Variants in AFF2 observed in about 807,000 individuals in gnomAD.
AFF2 encodes ALF transcription elongation factor 2.
Under a neutral mutation model 76.9 loss-of-function variants are expected in AFF2, and 14 were observed. The ratio of observed to expected loss-of-function variants is 0.18; its 90% CI spans 0.12 to 0.28. The LOEUF (loss-of-function observed/expected upper bound fraction) is 0.28, where lower values mean the gene tolerates loss of function less well. Among genes scored for constraint, AFF2 ranks in the 10% least tolerant of loss-of-function variants. The pLI is 1.00. For synonymous variants in AFF2, 398 were observed against 366.7 expected (o/e 1.09, Z -0.98); for missense variants, 868 against 1,001.1 (o/e 0.87, Z 1.79).
chrX:148,602,462 G>A (rs996837514), intron 1 of AFF2, among the ~76,000 whole-genome samples: 1 of 110,244 alleles, frequency 9.1e-6, no homozygotes, highest in South Asian at 4.0e-4. Flanking sequence ...TGGGATTGGA[G>A]GGGGTGATAG....
intron 3 of AFF2, among the ~76,000 whole-genome samples, chrX:148,750,385 T>C (rs1336771863): frequency 8.9e-6 from 1 of 111,915 alleles, no homozygotes; most frequent in Non-Finnish European, 1.9e-5. Context: ...CATCCTTCTT[T>C]TGAAGACTCT....
chrX:148,880,134 C>T (rs1204860887), intron 7 of AFF2, among the ~76,000 whole-genome samples: 2 of 112,155 alleles, frequency 1.8e-5, no homozygotes, highest in African/African-American at 6.5e-5. Context: ...GTCACTGCCA[C>T]AGCCCTCAGA....
chrX:148,685,287 A>T (rs1369932900), intron 3 of AFF2, among the ~76,000 whole-genome samples: 1 of 112,016 alleles, frequency 8.9e-6, no homozygotes, highest in Non-Finnish European at 1.9e-5. Flanking sequence ...GGCTTAAAGT[A>T]ATTTAATAAT....
At chrX:148,788,141 A>C (rs2069846540) in intron 3 of AFF2, among the ~76,000 whole-genome samples, 1 of 111,808 alleles carries the variant, frequency 8.9e-6, no homozygotes, top group Non-Finnish European at 1.9e-5. Context: ...GCTTCCATGC[A>C]TTTGGCTGCA....
intron 9 of AFF2, among the ~76,000 whole-genome samples, chrX:148,928,534 T>G (rs16994838): frequency 0.012 from 1,378 of 112,668 alleles, 24 homozygotes; most frequent in African/African-American, 0.042. Context: ...AGCAACAAAT[T>G]TGGGAGTCAT....
chrX:148,569,170 T>C (rs1286036221), intron 1 of AFF2, among the ~76,000 whole-genome samples: 1 of 110,365 alleles, frequency 9.1e-6, no homozygotes, highest in African/African-American at 3.3e-5. Context: ...ATAATGATCA[T>C]GATGATGAGG....
intron 1 of AFF2, among the ~76,000 whole-genome samples, chrX:148,574,975 TGTGTGTGTGTGA>T (rs1428968877): frequency 6.2e-4 from 66 of 107,302 alleles, no homozygotes; most frequent in African/African-American, 1.9e-3. Context: ...TGTGTGTGTG[TGTGTGTGTGTGA>T]GAGAGAGACT....
chrX:148,828,852 A>G (rs1273020486), intron 4 of AFF2, among the ~76,000 whole-genome samples: 2 of 112,423 alleles, frequency 1.8e-5, no homozygotes, highest in Admixed American at 9.4e-5. Context: ...GGCAATGGCA[A>G]GAAGATGGCT....
chrX:148,782,987 C>T (rs907561308), intron 3 of AFF2, among the ~76,000 whole-genome samples: 13 of 112,128 alleles, frequency 1.2e-4, no homozygotes, highest in African/African-American at 3.6e-4. Context: ...AGGGGACTGA[C>T]GCTCATAAGG....
chrX:148,502,701 C>T (rs1462250793), intron 1 of AFF2, among the ~76,000 whole-genome samples: 1 of 112,809 alleles, frequency 8.9e-6, no homozygotes. Flanking sequence ...ATAACCATAG[C>T]ACTCTATTTG....
chrX:148,814,112 A>G (rs143701795), intron 4 of AFF2, among the ~76,000 whole-genome samples: 3,257 of 112,067 alleles, frequency 0.029, 55 homozygotes, highest in Non-Finnish European at 0.046. Context: ...AAATAATAAC[A>G]GCTCTGGCCA....
At chrX:148,718,057 G>A (rs2055047759) in intron 3 of AFF2, among the ~76,000 whole-genome samples, 1 of 107,469 alleles carries the variant, frequency 9.3e-6, no homozygotes, top group Non-Finnish European at 1.9e-5. Context: ...GCATCTTTCA[G>A]TAACACTTTA....
chrX:148,572,242 G>T (rs781921807), intron 1 of AFF2, among the ~76,000 whole-genome samples: 1 of 111,768 alleles, frequency 8.9e-6, no homozygotes, highest in South Asian at 3.7e-4. Flanking sequence ...CTATGCCCAA[G>T]AAGATACACA....
At chrX:148,794,888 C>A (rs1316708458) in intron 3 of AFF2, among the ~76,000 whole-genome samples, 1 of 111,754 alleles carries the variant, frequency 8.9e-6, no homozygotes, top group Non-Finnish European at 1.9e-5. Context: ...GGAAGAAACA[C>A]TGGATTGTTT....
chrX:148,733,920 A>G (rs1292389791), intron 3 of AFF2, among the ~76,000 whole-genome samples: 4 of 112,501 alleles, frequency 3.6e-5, no homozygotes, highest in African/African-American at 9.7e-5. Flanking sequence ...AGCTATTTCC[A>G]TCCAGTGGCC....
chrX:148,581,166 C>CATACATATACGTATACACACAT (rs2053370372), intron 1 of AFF2, among the ~76,000 whole-genome samples: 5 of 60,398 alleles, frequency 8.3e-5, no homozygotes, highest in Non-Finnish European at 1.5e-4. Flanking sequence ...CGTATACACA[C>CATACATATACGTATACACACAT]ATACATATAC....
intron 1 of AFF2, among the ~76,000 whole-genome samples, chrX:148,630,188 C>A (rs182244791): frequency 9.0e-6 from 1 of 110,966 alleles, no homozygotes; most frequent in Non-Finnish European, 1.9e-5. Context: ...CCTGTGTGCA[C>A]GTTAGTGAAG....
chrX:148,711,476 AG>A (rs2054967140), intron 3 of AFF2, among the ~76,000 whole-genome samples: 1 of 112,252 alleles, frequency 8.9e-6, no homozygotes, highest in African/African-American at 3.2e-5. Context: ...TAGCAGCAAA[AG>A]TTTTATTGCA....
chrX:148,799,817 T>C (rs2070033697), intron 3 of AFF2, among the ~76,000 whole-genome samples: 1 of 112,291 alleles, frequency 8.9e-6, no homozygotes, highest in Admixed American at 9.4e-5. Context: ...AATTTGAGGC[T>C]AAACAGTTAC....
Sources: allele counts gnomAD v4.1 joint callset (sites outside exome capture counted in the v4.1 genomes callset), GRCh38; gene constraint gnomAD v4.1.1; transcripts MANE v1.5; gene names NCBI Gene and HGNC (gene_info 2026-07-23, HGNC 2026-07-21).